The following SBF2 variants were observed in gnomAD, a reference collection of about 807,000 sequenced individuals.
SBF2 encodes the protein myotubularin-related protein 13.
Under a neutral mutation model 225.2 loss-of-function variants are expected in SBF2, and 112 were observed. The ratio of observed to expected loss-of-function variants is 0.50; its 90% CI spans 0.43 to 0.58. The LOEUF is 0.58. Ranked by LOEUF, SBF2 falls within the 20% of genes least tolerant of loss-of-function variation. The probability of loss-of-function intolerance (pLI) is 0.00; values close to 1 mark genes in which losing one functional copy is unlikely to be tolerated. For synonymous variants in SBF2, 763 were observed against 773.3 expected (o/e 0.99, Z 0.22); for missense variants, 1,996 against 2,206.2 (o/e 0.90, Z 1.91).
At chr11:9,798,222 A>G (rs370172061) in intron 32 of SBF2, among the ~76,000 whole-genome samples, 70 of 152,224 alleles carry the variant, frequency 4.6e-4, no homozygotes, top group African/African-American at 1.6e-3. Flanking sequence ...TTGACTCTCT[A>G]GTAGGCCTGG....
intron 16 of SBF2, among the ~76,000 whole-genome samples, chr11:9,914,000 A>G (rs936608006): frequency 6.6e-6 from 1 of 152,344 alleles, no homozygotes; most frequent in Non-Finnish European, 1.5e-5. Context: ...CCACCACACC[A>G]GGCCTTATAG....
At position 9,789,093 on chromosome 11, in the gene SBF2, T is replaced by C; in HGVS notation, c.4932+16A>G. Reference sequence around the variant, plus strand: ...GGCCCCTGGTGCCCCTAGGTGTGTGTCTACAGTTGACTTACACTGAAAAGG... The same window carrying C: ...GGCCCCTGGTGCCCCTAGGTGTGTGCCTACAGTTGACTTACACTGAAAAGG... On this transcript the variant is annotated intron_variant, in intron 35 of 39. Transcript: ENST00000256190. The C allele has an allele frequency of 1.2e-6, 2 of 1,611,788 alleles. No homozygotes were observed. Among genetic ancestry groups the C allele is most frequent in the Non-Finnish European group, 1.7e-6 (2 of 1,177,886 alleles).
chr11:10,243,290 A>C (rs1255304817), intron 1 of SBF2, among the ~76,000 whole-genome samples: 1 of 152,102 alleles, frequency 6.6e-6, no homozygotes, highest in African/African-American at 2.4e-5. Context: ...TTAAAACAAA[A>C]ATCTATCTCA....
intron 2 of SBF2, among the ~76,000 whole-genome samples, chr11:10,115,700 C>G (rs1376448149): frequency 6.6e-6 from 1 of 152,134 alleles, no homozygotes; most frequent in African/African-American, 2.4e-5. Flanking sequence ...ACACATAATG[C>G]TATAGGCATT....
chr11:10,183,762 A>G (rs1184272869), intron 2 of SBF2, among the ~76,000 whole-genome samples: 1 of 152,220 alleles, frequency 6.6e-6, no homozygotes, highest in East Asian at 1.9e-4. Flanking sequence ...CCATATGTAG[A>G]AGCTAAAAAC....
chr11:10,132,584 G>A (rs370020613), intron 2 of SBF2, among the ~76,000 whole-genome samples: 8 of 146,360 alleles, frequency 5.5e-5, no homozygotes, highest in Admixed American at 2.1e-4. Flanking sequence ...TCGTGGTCTC[G>A]CTGGGCTCAG....
At chr11:10,090,739 T>C (rs1328226309) in intron 2 of SBF2, among the ~76,000 whole-genome samples, 1 of 114,496 alleles carries the variant, frequency 8.7e-6, no homozygotes, top group Non-Finnish European at 1.7e-5. Context: ...CACTCTAGCC[T>C]GGGAGTCAGA....
intron 16 of SBF2, among the ~76,000 whole-genome samples, chr11:9,954,680 G>A (rs1565053071): frequency 6.6e-6 from 1 of 151,688 alleles, no homozygotes; most frequent in Non-Finnish European, 1.5e-5. Context: ...TTTGAAAGCT[G>A]CAAAAACAAA....
chr11:10,014,344 C>T (rs1268733111), intron 6 of SBF2, among the ~76,000 whole-genome samples: 1 of 151,722 alleles, frequency 6.6e-6, no homozygotes, highest in African/African-American at 2.4e-5. Flanking sequence ...CTTTTAATTC[C>T]ATTCCATCCC....
intron 2 of SBF2, among the ~76,000 whole-genome samples, chr11:10,066,082 CA>C (rs1228869379): frequency 1.1e-4 from 17 of 151,828 alleles, no homozygotes; most frequent in Non-Finnish European, 1.0e-4. Flanking sequence ...AAAACAAAAA[CA>C]AAAAACCCTA....
intron 16 of SBF2, chr11:9,957,149 T>C (rs929371506): frequency 6.6e-6 from 1 of 152,194 alleles, no homozygotes; most frequent in Non-Finnish European, 1.5e-5. Context: ...TCTAAACCCA[T>C]GTGGACAAGT....
intron 2 of SBF2, among the ~76,000 whole-genome samples, chr11:10,063,262 A>C (rs1238442826): frequency 2.0e-5 from 3 of 151,630 alleles, no homozygotes; most frequent in African/African-American, 7.3e-5. Context: ...TGTACAACAA[A>C]CCCCCGACAC....
intron 1 of SBF2, among the ~76,000 whole-genome samples, chr11:10,302,093 G>T (rs1964604493): frequency 6.6e-6 from 1 of 151,846 alleles, no homozygotes; most frequent in Non-Finnish European, 1.5e-5. Flanking sequence ...TACAATCACT[G>T]CCACTTGAAT....
intron 13 of SBF2, among the ~76,000 whole-genome samples, chr11:9,971,480 A>G (rs1867323505): frequency 6.6e-6 from 1 of 151,994 alleles, no homozygotes; most frequent in Admixed American, 6.6e-5. Context: ...GGAGTTCAAG[A>G]CCAGTCTGGG....
intron 2 of SBF2, among the ~76,000 whole-genome samples, chr11:10,127,370 C>G (rs1953805543): frequency 6.6e-6 from 1 of 152,086 alleles, no homozygotes; most frequent in African/African-American, 2.4e-5. Flanking sequence ...ATGGGCAAAA[C>G]TGTTTCCTCT....
chr11:10,075,189 A>G (rs7104821), intron 2 of SBF2, among the ~76,000 whole-genome samples: 70,372 of 152,054 alleles, frequency 0.46, 16,689 homozygotes, highest in Admixed American at 0.56. Context: ...CTTAGGTTAT[A>G]ATTTTGGTAA....
intron 2 of SBF2, among the ~76,000 whole-genome samples, chr11:10,045,415 C>T (rs1949818443): frequency 6.6e-6 from 1 of 152,154 alleles, no homozygotes; most frequent in South Asian, 2.1e-4. Flanking sequence ...GATCCACCCG[C>T]CTTGGCCTCC....
In SBF2 at chr11:10,262,647, C is replaced by T. The variant is rs553221062; in HGVS notation, c.55+31368G>A. ...GTATAAATTATTTTATTTTATAAACCGTAACTTCCAAAAGACAACTGTCAG... is the reference window on the plus strand; with the variant it reads ...GTATAAATTATTTTATTTTATAAACTGTAACTTCCAAAAGACAACTGTCAG... On this transcript the variant is annotated intron_variant, in intron 1 of 39. Coordinates refer to ENST00000256190, the MANE Select transcript of SBF2 (RefSeq NM_030962.4). Among the ~76,000 whole-genome samples the T allele has an allele frequency of 1.5e-3, 225 of 152,038 alleles. 1 individual carries two copies. The highest frequency in any genetic ancestry group is 2.6e-3 in the Admixed American group (39 of 15,272).
intron 2 of SBF2, among the ~76,000 whole-genome samples, chr11:10,164,377 G>A (rs1167935915): frequency 1.3e-5 from 2 of 151,932 alleles, no homozygotes; most frequent in Non-Finnish European, 2.9e-5. Flanking sequence ...CTTCCTTCCA[G>A]ATATATACCA....
Sources: allele counts gnomAD v4.1 joint callset (sites outside exome capture counted in the v4.1 genomes callset), GRCh38; gene constraint gnomAD v4.1.1; transcripts MANE v1.5; gene names NCBI Gene and HGNC (gene_info 2026-07-23, HGNC 2026-07-21).